ROBO1: variants seen among roughly 807,000 people sequenced by gnomAD.
The protein encoded by ROBO1 is roundabout guidance receptor 1, also known as roundabout homolog 1.
In ROBO1, 149 loss-of-function variants were observed where a neutral mutation model predicts 195.9. That is an observed-to-expected ratio of 0.76 (90% CI 0.67 to 0.87). ROBO1 has a LOEUF of 0.87. Among genes scored for constraint, ROBO1 ranks in the 40% least tolerant of loss-of-function variants. ROBO1 has a pLI of 0.00. For synonymous variants in ROBO1, 816 were observed against 733.2 expected, an observed-to-expected ratio of 1.11 and a Z score of -1.82; for missense variants, 1,933 against 2,068.3, an observed-to-expected ratio of 0.93 and a Z score of 1.27.
intron 2 of ROBO1, among the ~76,000 whole-genome samples, chr3:79,381,793 G>GTA (rs1038124747): frequency 1.3e-4 from 19 of 151,446 alleles, no homozygotes; most frequent in East Asian, 5.8e-4. Context: ...TAATATGTAG[G>GTA]TATATATATA....
intron 1 of ROBO1, among the ~76,000 whole-genome samples, chr3:79,765,778 G>A (rs1275990572): frequency 6.6e-6 from 1 of 152,114 alleles, no homozygotes; most frequent in Non-Finnish European, 1.5e-5. Flanking sequence ...TTGATGTGTA[G>A]CCTTCAAGTA....
chr3:79,766,820 A>G (rs1705025292), intron 1 of ROBO1, among the ~76,000 whole-genome samples: 1 of 152,138 alleles, frequency 6.6e-6, no homozygotes, highest in African/African-American at 2.4e-5. Flanking sequence ...TTCATCAATA[A>G]TGCAGAGGCT....
At chr3:78,823,717 T>G (rs1162143705) in intron 4 of ROBO1, among the ~76,000 whole-genome samples, 1 of 152,208 alleles carries the variant, frequency 6.6e-6, no homozygotes, top group Admixed American at 6.5e-5. Flanking sequence ...TACTCTTATC[T>G]CCAGCTTTTC....
intron 1 of ROBO1, among the ~76,000 whole-genome samples, chr3:79,604,272 T>A (rs1230384111): frequency 5.9e-5 from 9 of 151,978 alleles, no homozygotes; most frequent in Non-Finnish European, 1.3e-4. Flanking sequence ...GAAGGGAGTA[T>A]CTATTACAGG....
chr3:79,598,195 A>C lies in ROBO1; in HGVS notation c.-50-8234T>G, dbSNP rs1317669465. 3.3e-5 allele frequency among the ~76,000 whole-genome samples: 5 copies of C among 152,108 alleles called. No homozygotes were observed. In the East Asian group the frequency reaches 9.7e-4, roughly 29 times the overall value. On this transcript the variant is annotated intron_variant, in intron 1 of 30. Coordinates refer to ENST00000464233, the MANE Select transcript of ROBO1 (RefSeq NM_002941.4). ...ATGATTGAGGTCAGATAAAGAGTCA[A>C]AGACATTTTTTAAACATAATCTGTA...
intron 3 of ROBO1, among the ~76,000 whole-genome samples, chr3:79,102,582 A>C (rs2079698066): frequency 6.6e-6 from 1 of 151,836 alleles, no homozygotes; most frequent in African/African-American, 2.4e-5. Context: ...AAGATTAAGA[A>C]ACAAAGTATT....
chr3:79,755,357 G>A (rs1398805304), intron 1 of ROBO1, among the ~76,000 whole-genome samples: 1 of 152,022 alleles, frequency 6.6e-6, no homozygotes, highest in Non-Finnish European at 1.5e-5. Flanking sequence ...CCATCTACAA[G>A]CAACAGCATC....
At chr3:79,750,238 G>T (rs556846404) in intron 1 of ROBO1, among the ~76,000 whole-genome samples, 2 of 152,152 alleles carry the variant, frequency 1.3e-5, no homozygotes, top group African/African-American at 4.8e-5. Flanking sequence ...TTTTCCATTT[G>T]GAACAGATAT....
intron 2 of ROBO1, among the ~76,000 whole-genome samples, chr3:79,430,894 A>T (rs1483928671): frequency 6.6e-6 from 1 of 152,136 alleles, no homozygotes. Context: ...TGTATGATTT[A>T]GTGCATTATG....
chr3:79,075,945 A>C (rs1401167924), intron 3 of ROBO1, among the ~76,000 whole-genome samples: 1 of 151,732 alleles, frequency 6.6e-6, no homozygotes, highest in African/African-American at 2.4e-5. Flanking sequence ...TATATCTAAC[A>C]AGAGGCAGCA....
intron 3 of ROBO1, among the ~76,000 whole-genome samples, chr3:78,988,462 A>G (rs1166213000): frequency 6.6e-6 from 1 of 152,170 alleles, no homozygotes; most frequent in Non-Finnish European, 1.5e-5. Context: ...TTGTGGTCTA[A>G]CATTTCCCTT....
At chr3:78,614,580 C>G (rs1363402363) in intron 28 of ROBO1, 68 bp downstream of exon 28, 1 of 1,497,522 alleles carries the variant, frequency 6.7e-7, no homozygotes, top group African/African-American at 1.4e-5. Context: ...AATGCATTTG[C>G]TAGTCCTAGA....
intron 4 of ROBO1, among the ~76,000 whole-genome samples, chr3:78,915,779 AC>A (rs1440786064): frequency 2.6e-5 from 4 of 151,948 alleles, no homozygotes; most frequent in African/African-American, 9.7e-5. Context: ...CACGTCAGCC[AC>A]CCGAGTAGCT....
intron 2 of ROBO1, among the ~76,000 whole-genome samples, chr3:79,228,394 T>A (rs1262719454): frequency 6.6e-6 from 1 of 152,166 alleles, no homozygotes; most frequent in African/African-American, 2.4e-5. Context: ...ATATTGTGAT[T>A]AATGTAAATG....
intron 2 of ROBO1, among the ~76,000 whole-genome samples, chr3:79,162,587 G>C (rs1472868363): frequency 6.6e-6 from 1 of 152,114 alleles, no homozygotes; most frequent in African/African-American, 2.4e-5. Context: ...ACAGTAACTT[G>C]TTAAGGGTTT....
chr3:79,401,663 C>T (rs1406823493), intron 2 of ROBO1, among the ~76,000 whole-genome samples: 1 of 151,758 alleles, frequency 6.6e-6, no homozygotes, highest in East Asian at 1.9e-4. Flanking sequence ...CAATGCAGAA[C>T]AATCATAAAT....
intron 3 of ROBO1, among the ~76,000 whole-genome samples, chr3:78,942,583 A>G (rs1576438842): frequency 6.6e-6 from 1 of 152,192 alleles, no homozygotes; most frequent in South Asian, 2.1e-4. Context: ...AGATAATTCT[A>G]TTCAGTATGA....
chr3:78,625,803 A>C (rs1311501278), intron 26 of ROBO1, among the ~76,000 whole-genome samples: 1 of 152,278 alleles, frequency 6.6e-6, no homozygotes, highest in South Asian at 2.1e-4. Context: ...GCAAAACGTT[A>C]TAAGCCAGAA....
chr3:79,641,919 T>C (rs1050047691), intron 1 of ROBO1, among the ~76,000 whole-genome samples: 4 of 152,090 alleles, frequency 2.6e-5, no homozygotes, highest in African/African-American at 9.7e-5. Context: ...TTCAGGAGGT[T>C]GAGCTGGGAG....
Sources: allele counts gnomAD v4.1 joint callset (sites outside exome capture counted in the v4.1 genomes callset), GRCh38; gene constraint gnomAD v4.1.1; transcripts MANE v1.5; gene names NCBI Gene and HGNC (gene_info 2026-07-23, HGNC 2026-07-21).